LMNTD1: variants seen among roughly 807,000 people sequenced by gnomAD.
The protein encoded by LMNTD1 is lamin tail domain-containing protein 1.
Under a neutral mutation model 50.9 loss-of-function variants are expected in LMNTD1, and 35 were observed. That is an observed-to-expected ratio of 0.69 (90% CI 0.53 to 0.91). The LOEUF (loss-of-function observed/expected upper bound fraction) is 0.91. Ranked by LOEUF, LMNTD1 falls within the 40% of genes least tolerant of loss-of-function variation. The probability of loss-of-function intolerance (pLI) is 0.00; values close to 1 mark genes in which losing one functional copy is unlikely to be tolerated. For missense variants in LMNTD1, 470 were observed against 475.5 expected, an observed-to-expected ratio of 0.99 and a Z score of 0.11; for synonymous variants, 153 against 161.9, an observed-to-expected ratio of 0.94 and a Z score of 0.42.
chr12:25,645,900 G>A (rs929791373), intron 1 of LMNTD1, among the ~76,000 whole-genome samples: 2 of 152,156 alleles, frequency 1.3e-5, no homozygotes, highest in African/African-American at 4.8e-5. Flanking sequence ...TGTCACTACT[G>A]CTGCATGGTA....
intron 1 of LMNTD1, among the ~76,000 whole-genome samples, chr12:25,573,198 CCTTTT>C (rs2136368451): frequency 6.6e-6 from 1 of 152,246 alleles, no homozygotes; most frequent in African/African-American, 2.4e-5. Flanking sequence ...TAACTTCACT[CCTTTT>C]CTTATCTTCA....
At chr12:25,578,977 A>G (rs891106398) in intron 1 of LMNTD1, among the ~76,000 whole-genome samples, 2 of 152,248 alleles carry the variant, frequency 1.3e-5, no homozygotes, top group African/African-American at 4.8e-5. Context: ...CAGCATCCTG[A>G]TTCTGTTCTT....
chr12:25,508,678 T>C (rs922104618), intron 8 of LMNTD1, among the ~76,000 whole-genome samples: 1 of 152,148 alleles, frequency 6.6e-6, no homozygotes, highest in African/African-American at 2.4e-5. Flanking sequence ...GGGTAATTAG[T>C]ATGTGTATAT....
intron 1 of LMNTD1, among the ~76,000 whole-genome samples, chr12:25,641,568 T>C (rs1946959674): frequency 1.3e-5 from 2 of 152,168 alleles, no homozygotes; most frequent in Admixed American, 1.3e-4. Flanking sequence ...AGCATAATGG[T>C]CAATAAATGG....
rs1179536850 is a variant in LMNTD1, at chr12:25,526,186, T to C, written c.711A>G (p.Gln237=). 1 of 1,610,964 alleles carries C rather than the reference T, an allele frequency of 6.2e-7. No homozygotes were observed. Among genetic ancestry groups the C allele is most frequent in the East Asian group, 2.2e-5 (1 of 44,694 alleles). Residue 237 remains glutamine, a synonymous_variant, in exon 6 of 10, where the codon CAA becomes CAG. Transcript: ENST00000458174. The part of the protein sequence containing the change: ...VWAAASEAKH[Q]PPSDFLWKEQ... ...CCTTCCAAAGAAAATCTGATGGAGG[T>C]TGATGCTTTGCTTCAGATGCTGCTG...
intron 8 of LMNTD1, among the ~76,000 whole-genome samples, chr12:25,512,963 A>T (rs1940421466): frequency 1.3e-5 from 2 of 152,142 alleles, no homozygotes; most frequent in African/African-American, 2.4e-5. Flanking sequence ...TGTTGTGAAC[A>T]CCGAGGGGCA....
chr12:25,647,837 T>G (rs868227841), intron 1 of LMNTD1, among the ~76,000 whole-genome samples: 1 of 152,256 alleles, frequency 6.6e-6, no homozygotes, highest in Non-Finnish European at 1.5e-5. Context: ...TATTACAGAT[T>G]GGTAAAAACA....
chr12:25,539,284 C>A (rs1169255920), intron 4 of LMNTD1, among the ~76,000 whole-genome samples: 1 of 151,324 alleles, frequency 6.6e-6, no homozygotes, highest in African/African-American at 2.4e-5. Context: ...TTTTTCAGCA[C>A]CACACCACAC....
intron 1 of LMNTD1, among the ~76,000 whole-genome samples, chr12:25,642,276 G>A (rs1036931926): frequency 2.0e-5 from 3 of 152,176 alleles, no homozygotes; most frequent in Non-Finnish European, 2.9e-5. Context: ...TCTGAAGGTG[G>A]AACCTTCGGA....
intron 1 of LMNTD1, among the ~76,000 whole-genome samples, chr12:25,604,505 C>A (rs1387080494): frequency 1.3e-5 from 2 of 151,942 alleles, no homozygotes; most frequent in African/African-American, 2.4e-5. Context: ...CCACTCCCCC[C>A]ACCCCACAAC....
chr12:25,597,890 C>T (rs1279310918), intron 1 of LMNTD1, among the ~76,000 whole-genome samples: 1 of 152,054 alleles, frequency 6.6e-6, no homozygotes, highest in Non-Finnish European at 1.5e-5. Context: ...CTGTGTGTCC[C>T]CACCCAAGTC....
At chr12:25,515,596 T>C (rs1472872277) in intron 8 of LMNTD1, among the ~76,000 whole-genome samples, 1 of 152,096 alleles carries the variant, frequency 6.6e-6, no homozygotes, top group African/African-American at 2.4e-5. Flanking sequence ...AACAATACAA[T>C]AAAATATTAA....
intron 9 of LMNTD1, among the ~76,000 whole-genome samples, chr12:25,485,164 CTGT>C (rs1354421918): frequency 6.9e-6 from 1 of 144,902 alleles, no homozygotes; most frequent in African/African-American, 2.5e-5. Flanking sequence ...TCTCCAGCAC[CTGT>C]TGTTTCCTGA....
intron 1 of LMNTD1, among the ~76,000 whole-genome samples, chr12:25,624,866 A>C (rs1382930601): frequency 6.6e-6 from 1 of 152,268 alleles, no homozygotes; most frequent in African/African-American, 2.4e-5. Context: ...CTAAAGGCAA[A>C]TACAAAAGCA....
chr12:25,498,982 T>G (rs1939229916), intron 9 of LMNTD1, among the ~76,000 whole-genome samples: 1 of 152,196 alleles, frequency 6.6e-6, no homozygotes, highest in African/African-American at 2.4e-5. Context: ...TTCAGAGTCT[T>G]TCCATTCATA....
intron 1 of LMNTD1, among the ~76,000 whole-genome samples, chr12:25,575,916 T>C (rs111760191): frequency 0.019 from 2,930 of 152,216 alleles, 68 homozygotes; most frequent in African/African-American, 0.059. Context: ...GTTCAATTCC[T>C]ACCTATGAGT....
At chr12:25,581,239 C>T (rs1009576663) in intron 1 of LMNTD1, among the ~76,000 whole-genome samples, 3 of 152,118 alleles carry the variant, frequency 2.0e-5, no homozygotes, top group Non-Finnish European at 2.9e-5. Flanking sequence ...CTAAAGGCCC[C>T]GCGCAGTGCT....
At chr12:25,604,326 GTTCT>G (rs777492602) in intron 1 of LMNTD1, among the ~76,000 whole-genome samples, 6 of 151,778 alleles carry the variant, frequency 4.0e-5, no homozygotes, top group Non-Finnish European at 7.4e-5. Context: ...AAAAATCATG[GTTCT>G]TTATTTATTT....
intron 1 of LMNTD1, among the ~76,000 whole-genome samples, chr12:25,641,947 A>G (rs1946966143): frequency 1.3e-5 from 2 of 152,140 alleles, no homozygotes; most frequent in African/African-American, 4.8e-5. Flanking sequence ...GCTTGAAATT[A>G]TTTATACTAA....
Sources: gnomAD v4.1 joint callset for allele counts (sites outside exome capture counted in the v4.1 genomes callset) on GRCh38, gnomAD v4.1.1 for gene constraint, MANE v1.5 for transcripts, NCBI Gene and HGNC (gene_info 2026-07-23, HGNC 2026-07-21) for gene names.